The following CMTM4 variants were observed in gnomAD, a reference collection of about 807,000 sequenced individuals.
The protein encoded by CMTM4 is CKLF-like MARVEL transmembrane domain-containing protein 4.
CMTM4 carries 8 observed loss-of-function variants against 19.0 expected under a neutral mutation model. The ratio of observed to expected loss-of-function variants is 0.42; its 90% CI spans 0.25 to 0.76. CMTM4 has a LOEUF of 0.76. CMTM4 is among the 30% of genes least tolerant of loss of function. CMTM4 has a pLI of 0.27. For synonymous variants in CMTM4, 106 were observed against 121.1 expected, an observed-to-expected ratio of 0.88 and a Z score of 0.82; for missense variants, 228 against 290.2, an observed-to-expected ratio of 0.79 and a Z score of 1.56.
intron 1 of CMTM4, among the ~76,000 whole-genome samples, chr16:66,683,178 T>TATATATAC (rs2016963550): frequency 6.0e-5 from 5 of 83,648 alleles, no homozygotes; most frequent in African/African-American, 1.9e-4. Context: ...TATATATACA[T>TATATATAC]ATGTATATAT....
chr16:66,625,511 T>C (rs911830014), intron 2 of CMTM4, among the ~76,000 whole-genome samples: 2 of 151,808 alleles, frequency 1.3e-5, no homozygotes, highest in African/African-American at 4.8e-5. Context: ...TAGTTTTAAA[T>C]TTGCTTTAGT....
rs2015543814 is a variant in CMTM4, at chr16:66,617,296, T to C, written c.*4762A>G. On this transcript the variant is annotated 3_prime_UTR_variant, in exon 4 of 4. Transcript: ENST00000394106. ...ACTTTTCTAGGCAAGTTGCCAGTGA[T>C]TCAAACTCAGCAGGTTTGTGGGTGA... 6.2e-7 allele frequency: 1 copy of C among 1,614,180 alleles called. No homozygotes were observed. Among genetic ancestry groups the C allele is most frequent in the Non-Finnish European group, 8.5e-7 (1 of 1,180,018 alleles).
chr16:66,635,773 C>A (rs1204561468), intron 2 of CMTM4, among the ~76,000 whole-genome samples: 2 of 152,150 alleles, frequency 1.3e-5, no homozygotes, highest in Non-Finnish European at 2.9e-5. Flanking sequence ...ATATTAAAAT[C>A]CTCTTCTCAT....
intron 1 of CMTM4, among the ~76,000 whole-genome samples, chr16:66,667,743 G>A (rs1489261637): frequency 6.6e-6 from 1 of 152,118 alleles, no homozygotes; most frequent in Non-Finnish European, 1.5e-5. Flanking sequence ...CAAAAAATTA[G>A]CCAGGTGTTG....
intron 1 of CMTM4, among the ~76,000 whole-genome samples, chr16:66,681,631 G>T (rs1040298689): frequency 7.2e-5 from 11 of 152,076 alleles, no homozygotes; most frequent in East Asian, 3.9e-4. Flanking sequence ...AAAATCCAGG[G>T]TGTATTTTGT....
Position 66,621,709 on chromosome 16 carries a change from A to G in CMTM4, c.*349T>C. ...CAATGCTGTCCCTTCATTCCTTCATATTTCCCCCCTCTTAGCAGCCCCATT... is the reference window on the plus strand; with the variant it reads ...CAATGCTGTCCCTTCATTCCTTCATGTTTCCCCCCTCTTAGCAGCCCCATT... On this transcript the variant is annotated 3_prime_UTR_variant, in exon 4 of 4. Coordinates refer to ENST00000394106, the MANE Select transcript of CMTM4 (RefSeq NM_181521.3). 3 of 1,074,546 alleles carry G rather than the reference A, an allele frequency of 2.8e-6. No individual in the cohort carries two copies. The highest frequency in any genetic ancestry group is 3.4e-6 in the Non-Finnish European group (3 of 882,240). The allele number at this position is 1,074,546 out of a possible 1,614,324, so 66.6% of individuals were successfully genotyped here.
chr16:66,634,600 T>C (rs1326177204), intron 2 of CMTM4, among the ~76,000 whole-genome samples: 3 of 151,988 alleles, frequency 2.0e-5, no homozygotes, highest in African/African-American at 4.8e-5. Context: ...AAGTCAAACC[T>C]GGTGGAAGTA....
At chr16:66,610,930 T>C, downstream of CMTM4, 1 of 398,516 alleles carries the variant, frequency 2.5e-6, no homozygotes, top group African/African-American at 2.1e-5. This position sits in a 1 kb window ranked among gnomAD's most constrained non-coding sequence, Gnocchi z 4.6. Flanking sequence ...TCCCATCCCG[T>C]CCCTTGGCAA....
chr16:66,679,238 A>G (rs918719570), intron 1 of CMTM4, among the ~76,000 whole-genome samples: 3 of 152,182 alleles, frequency 2.0e-5, no homozygotes, highest in Non-Finnish European at 4.4e-5. Context: ...AACACTTTGA[A>G]GTCTGCTGGC....
the CMTM4 span, among the ~76,000 whole-genome samples, chr16:66,608,859 G>T: frequency 6.6e-6 from 1 of 152,210 alleles, no homozygotes; most frequent in Non-Finnish European, 1.5e-5. This position sits in a 1 kb window ranked among gnomAD's most constrained non-coding sequence, Gnocchi z 5.1. Flanking sequence ...CCCTGACCTC[G>T]TTTTATCACC....
chr16:66,690,490 G>C (rs903269590), intron 1 of CMTM4, among the ~76,000 whole-genome samples: 2 of 152,118 alleles, frequency 1.3e-5, no homozygotes, highest in Non-Finnish European at 2.9e-5. Context: ...TGTTGCATAT[G>C]ATTTCTATAA....
chr16:66,683,475 T>C (rs987996605), intron 1 of CMTM4, among the ~76,000 whole-genome samples: 2 of 150,730 alleles, frequency 1.3e-5, no homozygotes, highest in African/African-American at 4.9e-5. Context: ...GTATTTGCAA[T>C]AGAGACAGGG....
At chr16:66,692,810 G>A (rs2017160134) in intron 1 of CMTM4, among the ~76,000 whole-genome samples, 1 of 151,994 alleles carries the variant, frequency 6.6e-6, no homozygotes, top group Non-Finnish European at 1.5e-5. Flanking sequence ...GGGAGGCTGA[G>A]GCAGGAGAAT....
Position 66,696,377 on chromosome 16 carries a change from A to G in CMTM4, c.149T>C (p.Leu50Pro). 7.0e-7 allele frequency: 1 copy of G among 1,426,296 alleles called. No individual in the cohort carries two copies. The highest frequency in any genetic ancestry group is 9.2e-7 in the Non-Finnish European group (1 of 1,092,050). The allele number at this position is 1,426,296 out of a possible 1,614,324, so 88.4% of individuals were successfully genotyped here. The change falls in exon 1 of 4, where the codon CTG becomes CCG. Residue 50 changes from leucine to proline, a missense_variant. Around this residue, in one of 3 missense-constraint regions of CMTM4, gnomAD observed 200 missense variants for 226.6 expected, o/e 0.88. Coordinates refer to ENST00000394106, the MANE Select transcript of CMTM4 (RefSeq NM_181521.3). The surrounding 1 kb of genome is among the most constrained non-coding windows in gnomAD (Gnocchi z 4.3). The part of the protein sequence containing the change: ...LAGLRCDPDY[L>P]RGALGRLKVA... ...CTTGAGGCGGCCGAGCGCGCCGCGC[A>G]GGTAGTCGGGGTCGCAGCGCAGGCC...
At position 66,644,378 on chromosome 16, in the gene CMTM4, GTA is replaced by G. The variant is rs2016151146; in HGVS notation, c.187-7799_187-7798del. On this transcript the variant is annotated intron_variant, in intron 1 of 3. Transcript: ENST00000394106. Reference sequence around the variant, plus strand: ...TACACCGAAATGTCAGGTAGACTTTGTATACTTTTTCAGAATTACTGATCATA... The same window carrying G: ...TACACCGAAATGTCAGGTAGACTTTGTACTTTTTCAGAATTACTGATCATA... 2.6e-5 allele frequency among the ~76,000 whole-genome samples: 4 copies of G among 152,310 alleles called. No homozygotes were observed. In the South Asian group the frequency reaches 8.3e-4, roughly 32 times the overall value.
rs1418635780 is a variant in CMTM4, at chr16:66,614,805, T to C, written c.*7253A>G. Reference sequence around the variant, plus strand: ...CTTCATGACAATTTAATACAATAGTTATTAACGATTAGTGTTGAGAAAATT... The same window carrying C: ...CTTCATGACAATTTAATACAATAGTCATTAACGATTAGTGTTGAGAAAATT... On this transcript the variant is annotated 3_prime_UTR_variant, in exon 4 of 4. Coordinates refer to ENST00000394106, the MANE Select transcript of CMTM4 (RefSeq NM_181521.3). The surrounding 1 kb of genome is among the most constrained non-coding windows in gnomAD (Gnocchi z 4.9). 1 of 152,362 alleles carries C rather than the reference T, an allele frequency of 6.6e-6. No individual in the cohort carries two copies. The highest frequency in any genetic ancestry group is 1.9e-4 in the East Asian group (1 of 5,194). 9.4% of individuals were successfully genotyped at this position (152,362 alleles called of 1,614,324 possible). A position where few individuals can be genotyped will look rare whatever the true frequency, so the allele number is the denominator to read the frequency against.
intron 1 of CMTM4, among the ~76,000 whole-genome samples, chr16:66,694,475 C>T (rs1303467536): frequency 6.6e-6 from 1 of 151,826 alleles, no homozygotes; most frequent in Non-Finnish European, 1.5e-5. Context: ...TTTGGGAGGC[C>T]GAGGTGGGCG....
Position 66,622,179 on chromosome 16 carries a change from A to T in CMTM4, c.506T>A (p.Phe169Tyr), listed in dbSNP as rs760106469. ...GACTCTCCATTTCTGCACTGCCAGG[A>T]ATGTGTTCACTGCATATGCCGCAGT... ...LATAAYAVNT[F>Y]LAVQKWRVSV... is the part of the protein sequence containing the mutation. The change falls in exon 4 of 4, where the codon TTC becomes TAC. Residue 169 changes from phenylalanine (F) to tyrosine (Y), a missense_variant. Coordinates refer to ENST00000394106, the MANE Select transcript of CMTM4 (RefSeq NM_181521.3). This position sits in a 1 kb window ranked among gnomAD's most constrained non-coding sequence, Gnocchi z 4.0. The T allele has an allele frequency of 1.1e-5, 18 of 1,613,884 alleles. No homozygotes were observed. The highest frequency in any genetic ancestry group is 1.5e-5 in the Non-Finnish European group (18 of 1,180,002).
the CMTM4 span, among the ~76,000 whole-genome samples, chr16:66,598,438 G>C: frequency 1.3e-5 from 2 of 151,998 alleles, no homozygotes; most frequent in African/African-American, 4.8e-5. Context: ...TTTGCAAATT[G>C]AGATATAAAT....
Sources: allele counts gnomAD v4.1 joint callset (sites outside exome capture counted in the v4.1 genomes callset), GRCh38; gene constraint gnomAD v4.1.1; regional missense constraint gnomAD v4.1.1; non-coding constraint Gnocchi (gnomAD v3.1); transcripts MANE v1.5; gene names NCBI Gene and HGNC (gene_info 2026-07-23, HGNC 2026-07-21).